Variants in SMYD3 observed in about 807,000 individuals in gnomAD.
SMYD3 encodes the protein histone-lysine N-methyltransferase SMYD3.
A neutral mutation model predicts 57.7 loss-of-function variants in SMYD3; 36 were observed. That is an observed-to-expected ratio of 0.62 (90% CI 0.48 to 0.82). The LOEUF (loss-of-function observed/expected upper bound fraction) is 0.82, where lower values mean the gene tolerates loss of function less well. SMYD3 is among the 40% of genes least tolerant of loss of function. The pLI, the probability that SMYD3 is intolerant of heterozygous loss-of-function variation, is 0.00. For missense variants in SMYD3, 515 were observed against 538.8 expected, an observed-to-expected ratio of 0.96 and a Z score of 0.44; for synonymous variants, 211 against 195.0, an observed-to-expected ratio of 1.08 and a Z score of -0.68.
chr1:245,858,286 C>CAGATT (rs1162134096), intron 10 of SMYD3, among the ~76,000 whole-genome samples: 7 of 152,316 alleles, frequency 4.6e-5, no homozygotes, highest in African/African-American at 1.7e-4. Flanking sequence ...CGGTGTCTGA[C>CAGATT]ACATGGAAGG....
intron 5 of SMYD3, among the ~76,000 whole-genome samples, chr1:246,131,135 T>C (rs2061580801): frequency 6.6e-6 from 1 of 152,200 alleles, no homozygotes; most frequent in African/African-American, 2.4e-5. Flanking sequence ...ACATTTCCAG[T>C]TCTCACAGTC....
At chr1:245,780,463 T>A (rs1475244125) in intron 10 of SMYD3, among the ~76,000 whole-genome samples, 1 of 152,118 alleles carries the variant, frequency 6.6e-6, no homozygotes, top group Non-Finnish European at 1.5e-5. Flanking sequence ...TGAAATGGTA[T>A]ATGACAAATC....
chr1:246,400,127 C>T (rs993361125), intron 1 of SMYD3, among the ~76,000 whole-genome samples: 1 of 152,132 alleles, frequency 6.6e-6, no homozygotes, highest in Non-Finnish European at 1.5e-5. Flanking sequence ...CTAAAAAATG[C>T]TCCATTGCTA....
chr1:245,751,526 G>GAA (rs202122219), intron 11 of SMYD3, among the ~76,000 whole-genome samples: 27 of 140,638 alleles, frequency 1.9e-4, no homozygotes, highest in Admixed American at 3.6e-4. Flanking sequence ...TGCTGAGAGA[G>GAA]AGAGAAAGAG....
chr1:246,125,757 G>T (rs574008575), intron 5 of SMYD3, among the ~76,000 whole-genome samples: 1 of 152,016 alleles, frequency 6.6e-6, no homozygotes, highest in East Asian at 1.9e-4. Flanking sequence ...GTGGTGAGAG[G>T]GATCCTGAAT....
In SMYD3 at chr1:245,921,073, A is replaced by G. The variant is rs11578115; in HGVS notation, c.703-5433T>C. The stretch of plus-strand genomic sequence containing the variant: ...GTCTAATACCCAGAATCTATAAGGA[A>G]CTTAAGCAATTCAATAAGCAAATAA... On this transcript the variant is annotated intron_variant, in intron 7 of 11. Transcript: ENST00000490107. 6.0e-3 allele frequency among the ~76,000 whole-genome samples: 916 copies of G among 152,332 alleles called. 4 individuals carry two copies. Among genetic ancestry groups the G allele is most frequent in the Non-Finnish European group, 9.7e-3 (660 of 68,022 alleles).
chr1:245,779,539 G>T (rs995022277), intron 10 of SMYD3, among the ~76,000 whole-genome samples: 5 of 152,122 alleles, frequency 3.3e-5, no homozygotes, highest in African/African-American at 1.2e-4. Flanking sequence ...CATTTCCTAT[G>T]CTTAATTAGA....
intron 5 of SMYD3, among the ~76,000 whole-genome samples, chr1:246,324,966 C>CAAGGAAGGAGAAGGAGTCAGGGGGCGGG: frequency 7.8e-6 from 1 of 128,376 alleles, no homozygotes; most frequent in Non-Finnish European, 1.6e-5. Context: ...CTTTCATGAA[C>CAAGGAAGGAGAAGGAGTCAGGGGGCGGG]AAGGAAGGAG....
chr1:246,132,031 A>G (rs2061595678), intron 5 of SMYD3, among the ~76,000 whole-genome samples: 1 of 152,172 alleles, frequency 6.6e-6, no homozygotes, highest in Non-Finnish European at 1.5e-5. Flanking sequence ...TTGAAATTCA[A>G]TTTTTAGCAC....
At chr1:246,172,599 T>C (rs922035847) in intron 5 of SMYD3, among the ~76,000 whole-genome samples, 1 of 150,548 alleles carries the variant, frequency 6.6e-6, no homozygotes, top group Non-Finnish European at 1.5e-5. Context: ...CTGTAGACTT[T>C]ATCAACACTA....
intron 5 of SMYD3, among the ~76,000 whole-genome samples, chr1:246,264,708 G>A (rs563158775): frequency 1.3e-5 from 2 of 152,318 alleles, no homozygotes; most frequent in South Asian, 2.1e-4. Flanking sequence ...ACATCTTGAA[G>A]TGCTTCTTAA....
chr1:245,868,865 T>A lies in SMYD3; in HGVS notation c.814-4979A>T, dbSNP rs201915818. ...CGTCTCCCCTCTCTCCACACCAGGC[T>A]GGAGGAAAACATTCAGTTGCACAGG... is the stretch of plus-strand genomic sequence containing the variant. On this transcript the variant is annotated intron_variant, in intron 8 of 11. Coordinates refer to ENST00000490107, the MANE Select transcript of SMYD3 (RefSeq NM_001167740.2). Among the ~76,000 whole-genome samples the A allele has an allele frequency of 2.6e-5, 4 of 152,300 alleles. No individual in the cohort carries two copies. The East Asian group carries it at 7.7e-4, about 29-fold the overall frequency.
intron 1 of SMYD3, among the ~76,000 whole-genome samples, chr1:246,488,094 T>C (rs948896840): frequency 6.6e-6 from 1 of 152,176 alleles, no homozygotes; most frequent in Non-Finnish European, 1.5e-5. Flanking sequence ...TCCTGCTCAT[T>C]AAAAGTTGGG....
intron 5 of SMYD3, among the ~76,000 whole-genome samples, chr1:246,279,458 T>C (rs1572329991): frequency 6.6e-6 from 1 of 152,030 alleles, no homozygotes; most frequent in East Asian, 1.9e-4. Flanking sequence ...GAGGCGGAGG[T>C]TGCAATGAGC....
intron 5 of SMYD3, among the ~76,000 whole-genome samples, chr1:246,322,786 G>A (rs2065271133): frequency 6.6e-6 from 1 of 152,164 alleles, no homozygotes; most frequent in Non-Finnish European, 1.5e-5. Context: ...CCATCCAACA[G>A]ATTATCACTC....
At chr1:246,137,085 T>C (rs898798790) in intron 5 of SMYD3, among the ~76,000 whole-genome samples, 1 of 152,142 alleles carries the variant, frequency 6.6e-6, no homozygotes, top group Non-Finnish European at 1.5e-5. Context: ...TATACTAGAA[T>C]TTTGGATTTG....
intron 5 of SMYD3, among the ~76,000 whole-genome samples, chr1:246,147,697 TTGG>T (rs1467016909): frequency 6.6e-6 from 1 of 151,894 alleles, no homozygotes; most frequent in Non-Finnish European, 1.5e-5. Flanking sequence ...CCCTGTGCTC[TTGG>T]TGGGGGCCGG....
chr1:246,336,367 T>C (rs2065545199), intron 2 of SMYD3, among the ~76,000 whole-genome samples: 2 of 152,210 alleles, frequency 1.3e-5, no homozygotes, highest in African/African-American at 2.4e-5. Context: ...ATTCTGAAAA[T>C]TGGAATTTCC....
intron 2 of SMYD3, among the ~76,000 whole-genome samples, chr1:246,337,474 G>C (rs2065562292): frequency 1.3e-5 from 2 of 152,126 alleles, no homozygotes; most frequent in South Asian, 4.1e-4. Context: ...CAAGAAACAA[G>C]AATGTTAACT....
Sources: allele counts gnomAD v4.1 joint callset (sites outside exome capture counted in the v4.1 genomes callset), GRCh38; gene constraint gnomAD v4.1.1; transcripts MANE v1.5; gene names NCBI Gene and HGNC (gene_info 2026-07-23, HGNC 2026-07-21).